DNAH5: variants seen among roughly 807,000 people sequenced by gnomAD.
DNAH5 encodes the protein axonemal beta dynein heavy chain 5.
DNAH5 carries 372 observed loss-of-function variants against 518.2 expected under a neutral mutation model. That is an observed-to-expected ratio of 0.72 (90% CI 0.66 to 0.78). The LOEUF (loss-of-function observed/expected upper bound fraction) is 0.78, where lower values mean the gene tolerates loss of function less well. Ranked by LOEUF, DNAH5 falls within the 30% of genes least tolerant of loss-of-function variation. The probability of loss-of-function intolerance (pLI) is 0.00; values close to 1 mark genes in which losing one functional copy is unlikely to be tolerated. For missense variants in DNAH5, 5,523 were observed against 5,687.0 expected (o/e 0.97, Z 0.93); for synonymous variants, 2,039 against 2,025.9 (o/e 1.01, Z -0.17).
chr5:13,785,373 G>A (rs1243779624), intron 52 of DNAH5, among the ~76,000 whole-genome samples: 3 of 152,116 alleles, frequency 2.0e-5, no homozygotes, highest in East Asian at 1.9e-4. Context: ...CTGCGGCCCC[G>A]GGGCTGGGAA....
Position 13,911,381 on chromosome 5 carries a change from C to G in DNAH5, c.1644+5G>C. ...TGTCAACAGGAATTTTATTATACAA[C>G]CTACATGAAGGTCATTAGTCTGCTT... is the stretch of plus-strand genomic sequence containing the variant. On this transcript the variant is annotated splice_donor_5th_base_variant and intron_variant, in intron 12 of 78. Transcript: ENST00000265104. The G allele has an allele frequency of 6.2e-7, 1 of 1,608,284 alleles. No individual in the cohort carries two copies. The highest frequency in any genetic ancestry group is 8.5e-7 in the Non-Finnish European group (1 of 1,174,890).
intron 15 of DNAH5, chr5:13,898,480 G>A (rs1404535248): frequency 2.5e-6 from 1 of 398,376 alleles, no homozygotes; most frequent in Non-Finnish European, 4.4e-6. Flanking sequence ...TTTGAGGAAT[G>A]TCTGTCCATT....
rs145321489 is a variant in DNAH5 at position 13,714,740 on chromosome 5, G to A, written c.12910-120C>T. The A allele has an allele frequency of 7.8e-5, 73 of 937,048 alleles. No individual in the cohort carries two copies. In the East Asian group the frequency reaches 1.7e-3, roughly 22 times the overall value. 58.0% of individuals were successfully genotyped at this position (937,048 alleles called of 1,614,324 possible). A position where few individuals can be genotyped will look rare whatever the true frequency, so the allele number is the denominator to read the frequency against. ...ATGCATTTACTTAAGTCTTATTGGTGTCAAGCTACAAACTCAATAATTTCT... is the reference window on the plus strand; with the variant it reads ...ATGCATTTACTTAAGTCTTATTGGTATCAAGCTACAAACTCAATAATTTCT... On this transcript the variant is annotated intron_variant, in intron 74 of 78. Transcript: ENST00000265104.
intron 1 of DNAH5, among the ~76,000 whole-genome samples, chr5:13,936,462 T>C (rs1048077189): frequency 1.4e-5 from 2 of 141,732 alleles, no homozygotes; most frequent in African/African-American, 5.6e-5. Context: ...AGTCCAAGTC[T>C]GCATGCTTAT....
At chr5:13,777,384 G>A in intron 53 of DNAH5, 29 bp from the exon 54 acceptor site, 1 of 1,604,040 alleles carries the variant, frequency 6.2e-7, no homozygotes, top group Non-Finnish European at 8.5e-7. Flanking sequence ...TTTGTCATTA[G>A]CTAAAATATT....
chr5:13,843,246 T>C (rs1044429537), intron 32 of DNAH5, among the ~76,000 whole-genome samples: 10 of 152,208 alleles, frequency 6.6e-5, no homozygotes, highest in Non-Finnish European at 1.2e-4. Flanking sequence ...TTGATTTCCT[T>C]GCCCCCTTTC....
At chr5:13,917,285 A>T (rs1231660638) in intron 7 of DNAH5, 29 bp from the exon 8 acceptor site, 23 of 1,537,518 alleles carry the variant, frequency 1.5e-5, no homozygotes, top group Non-Finnish European at 2.1e-5. Flanking sequence ...AGCAATTTTA[A>T]TGTAATTATT....
At chr5:13,862,853 A>ATGT in intron 28 of DNAH5, 106 bp from the exon 29 acceptor site, 2 of 301,454 alleles carry the variant, frequency 6.6e-6, no homozygotes, top group Non-Finnish European at 1.1e-5. Flanking sequence ...TATATATATA[A>ATGT]ATATATATAT....
At chr5:13,757,484 T>C (rs967984047) in intron 61 of DNAH5, among the ~76,000 whole-genome samples, 1 of 152,222 alleles carries the variant, frequency 6.6e-6, no homozygotes, top group Non-Finnish European at 1.5e-5. Flanking sequence ...CATATGATTG[T>C]TGGCCGCATG....
At chr5:13,944,939 G>A (rs888523271), upstream of DNAH5, among the ~76,000 whole-genome samples, 9 of 152,142 alleles carry the variant, frequency 5.9e-5, no homozygotes, top group African/African-American at 2.2e-4. Context: ...TGTCCATGTC[G>A]AGAAACTCAG....
At chr5:13,966,490 A>T (rs1391910391) in intron 1 of DNAH5, among the ~76,000 whole-genome samples, 6 of 152,188 alleles carry the variant, frequency 3.9e-5, no homozygotes, top group Non-Finnish European at 8.8e-5. Context: ...AGCAGTGTAA[A>T]AGTGTTCCCC....
intron 11 of DNAH5, 123 bp downstream of exon 11, chr5:13,913,620 G>A: frequency 8.7e-7 from 1 of 1,150,228 alleles, no homozygotes; most frequent in Non-Finnish European, 1.2e-6. Context: ...AAAAGGCCAT[G>A]AGATTATTTA....
intron 1 of DNAH5, among the ~76,000 whole-genome samples, chr5:13,990,879 GA>G (rs1172894454): frequency 6.6e-6 from 1 of 152,082 alleles, no homozygotes; most frequent in African/African-American, 2.4e-5. Context: ...AAAAAAGAAG[GA>G]AAAGAAAAAG....
At chr5:13,920,412 ACAC>A in intron 6 of DNAH5, 65 bp downstream of exon 6, 4 of 1,593,636 alleles carry the variant, frequency 2.5e-6, no homozygotes, top group East Asian at 4.5e-5. Context: ...GTATGTCAAT[ACAC>A]CTTCTTCCAT....
chr5:13,958,127 T>C (rs1382548769), intron 1 of DNAH5, among the ~76,000 whole-genome samples: 1 of 151,954 alleles, frequency 6.6e-6, no homozygotes, highest in Non-Finnish European at 1.5e-5. Flanking sequence ...ACTTTTAGAT[T>C]GGTTCCAATT....
chr5:13,772,348 G>A (rs10039621), intron 55 of DNAH5, among the ~76,000 whole-genome samples: 46,749 of 152,060 alleles, frequency 0.31, 7,692 homozygotes, highest in South Asian at 0.42. Flanking sequence ...TATTCTTTAC[G>A]TAGCAAATTG....
chr5:13,691,977 C>T lies in DNAH5; in HGVS notation c.*7G>A. 6.2e-7 allele frequency: 1 copy of T among 1,614,020 alleles called. No homozygotes were observed. Among genetic ancestry groups the T allele is most frequent in the African/African-American group, 1.3e-5 (1 of 75,004 alleles). On this transcript the variant is annotated 3_prime_UTR_variant, in exon 79 of 79. Coordinates refer to ENST00000265104, the MANE Select transcript of DNAH5 (RefSeq NM_001369.3). ...CCAAAGCATTGGGTGGGGACACTCC[C>T]CACATGTTACTTGACATCACACAGA...
rs1324070261 is a variant in DNAH5 at position 13,824,287 on chromosome 5, G to T, written c.6491C>A (p.Thr2164Asn). Residue 2164 changes from threonine to asparagine, a missense_variant, in exon 39 of 79, where the codon ACC becomes AAC. Physicochemically the swap from Thr to Asn is moderately conservative, Grantham distance 65. Coordinates refer to ENST00000265104, the MANE Select transcript of DNAH5 (RefSeq NM_001369.3). Reference protein sequence around the residue: ...GLRNILSVLRTLGAAKRANPM... With the variant: ...GLRNILSVLRNLGAAKRANPM... ...ATTGGCTCTTTTTGCTGCTCCCAAG[G>T]TCCGAAGAACTGACAGAATGTTACG... The T allele has an allele frequency of 6.2e-7, 1 of 1,614,042 alleles. No individual in the cohort carries two copies. The highest frequency in any genetic ancestry group is 8.5e-7 in the Non-Finnish European group (1 of 1,179,976).
chr5:13,935,540 A>C (rs571089156), intron 1 of DNAH5, among the ~76,000 whole-genome samples: 29 of 152,326 alleles, frequency 1.9e-4, no homozygotes, highest in Non-Finnish European at 3.5e-4. Flanking sequence ...GCCTGAAGAC[A>C]AGTAATATGA....
Sources: gnomAD v4.1 joint callset for allele counts (sites outside exome capture counted in the v4.1 genomes callset) on GRCh38, gnomAD v4.1.1 for gene constraint, MANE v1.5 for transcripts, NCBI Gene and HGNC (gene_info 2026-07-23, HGNC 2026-07-21) for gene names.